Variants in DNMBP observed in about 807,000 individuals in gnomAD.
DNMBP encodes dynamin binding protein, also known as dynamin-binding protein.
A neutral mutation model predicts 150.0 loss-of-function variants in DNMBP; 87 were observed. The ratio of observed to expected loss-of-function variants is 0.58; its 90% CI spans 0.49 to 0.69. The LOEUF is 0.69. Among genes scored for constraint, DNMBP ranks in the 30% least tolerant of loss-of-function variants. DNMBP has a pLI of 0.00. For synonymous variants in DNMBP, 711 were observed against 750.4 expected (o/e 0.95, Z 0.86); for missense variants, 1,774 against 1,949.0 (o/e 0.91, Z 1.69).
chr10:99,928,955 G>A (rs573761247), intron 4 of DNMBP, among the ~76,000 whole-genome samples: 53 of 151,972 alleles, frequency 3.5e-4, no homozygotes, highest in Non-Finnish European at 7.5e-4. Context: ...ATCAGCCTGG[G>A]CAACATGGTG....
chr10:99,922,089 T>C (rs1024376275), intron 4 of DNMBP, among the ~76,000 whole-genome samples: 1 of 152,100 alleles, frequency 6.6e-6, no homozygotes, highest in African/African-American at 2.4e-5. Flanking sequence ...CTCCCAAATA[T>C]GACTACCAGC....
chr10:99,899,977 T>G lies in DNMBP; in HGVS notation c.2644A>C (p.Ile882Leu), dbSNP rs558875358. 13 of 1,614,160 alleles carry G rather than the reference T, an allele frequency of 8.1e-6. No individual in the cohort carries two copies. Among genetic ancestry groups the G allele is most frequent in the African/African-American group, 1.3e-5 (1 of 75,022 alleles). ...TGGATCTTCTCATCCTTCTCGTAGA[T>G]TTCAAGCAGCGCAATGGCCTCATCA... is the stretch of plus-strand genomic sequence containing the variant. ...NHDEAIALLE[I>L]YEKDEKIQKH... Residue 882 changes from isoleucine to leucine, a missense_variant, in exon 7 of 17, where the codon ATC becomes CTC. Physicochemically the swap from Ile to Leu is conservative, Grantham distance 5. Transcript: ENST00000324109.
chr10:99,989,463 C>T (rs569574593), intron 1 of DNMBP, among the ~76,000 whole-genome samples: 2 of 152,174 alleles, frequency 1.3e-5, no homozygotes, highest in Non-Finnish European at 2.9e-5. Flanking sequence ...GTAATCCCAG[C>T]ACTTTGGGAG....
At chr10:99,929,853 G>T in intron 4 of DNMBP, 1 of 702,884 alleles carries the variant, frequency 1.4e-6, no homozygotes, top group Non-Finnish European at 2.6e-6. Context: ...ATGTGCCTTT[G>T]TTCTTGGTAT....
intron 4 of DNMBP, among the ~76,000 whole-genome samples, chr10:99,911,448 A>G (rs1374788919): frequency 6.6e-6 from 1 of 152,124 alleles, no homozygotes; most frequent in East Asian, 1.9e-4. Flanking sequence ...GCACCACTGC[A>G]CTCCAGCCTG....
rs11817690 is a variant in DNMBP, at chr10:99,987,434, T to G, written c.-10-15300A>C. Among the ~76,000 whole-genome samples the G allele has an allele frequency of 6.6e-3, 1,006 of 151,534 alleles. 10 individuals carry two copies. Among genetic ancestry groups the G allele is most frequent in the African/African-American group, 0.023 (965 of 41,296 alleles). On this transcript the variant is annotated intron_variant, in intron 1 of 16. Transcript: ENST00000324109. ...AAGAGTAGCTGGGATAAGATAAGAG[T>G]AGCTGGGATAAGGGAGAGGCTGGGT... is the stretch of plus-strand genomic sequence containing the variant.
In DNMBP at chr10:99,879,703, C is replaced by G. The variant is rs1024312743; in HGVS notation, c.4548+108G>C. 2.6e-6 allele frequency: 4 copies of G among 1,517,556 alleles called. No individual in the cohort carries two copies. In the Admixed American group the frequency reaches 6.3e-5, roughly 24 times the overall value. The allele number at this position is 1,517,556 out of a possible 1,614,324, so 94.0% of individuals were successfully genotyped here. On this transcript the variant is annotated intron_variant, in intron 16 of 16. Coordinates refer to ENST00000324109, the MANE Select transcript of DNMBP (RefSeq NM_015221.4). ...GAAAGGTGTGTCTGTGAGCTCATCTCAGATCACCCCTAGGCCTCAGGCAAG... is the reference window on the plus strand; with the variant it reads ...GAAAGGTGTGTCTGTGAGCTCATCTGAGATCACCCCTAGGCCTCAGGCAAG...
chr10:99,988,216 A>G (rs1346220627), intron 1 of DNMBP, among the ~76,000 whole-genome samples: 1 of 152,214 alleles, frequency 6.6e-6, no homozygotes, highest in Non-Finnish European at 1.5e-5. Context: ...GATAAATTCT[A>G]CTTGCTTATG....
In DNMBP at chr10:99,955,555, C is replaced by T. The variant is rs771129840; in HGVS notation, c.1919G>A (p.Arg640Gln). The change falls in exon 4 of 17, where the codon CGA becomes CAA. Residue 640 changes from arginine (R) to glutamine (Q), a missense_variant. Physicochemically the swap from Arg to Gln is conservative, Grantham distance 43. Coordinates refer to ENST00000324109, the MANE Select transcript of DNMBP (RefSeq NM_015221.4). The part of the protein sequence containing the change: ...NLKPAPPLVV[R>Q]PSRPAPLPPS... ...AGGCAGGGGAGCTGGGCGAGAGGGTCGCACCACCAAGGGTGGTGCAGGTTT... is the reference window on the plus strand; with the variant it reads ...AGGCAGGGGAGCTGGGCGAGAGGGTTGCACCACCAAGGGTGGTGCAGGTTT... The T allele has an allele frequency of 4.4e-6, 7 of 1,600,944 alleles. No homozygotes were observed. The highest frequency in any genetic ancestry group is 2.2e-5 in the South Asian group (2 of 89,404).
Position 99,884,019 on chromosome 10 carries a change from T to G in DNMBP, c.3989A>C (p.Asp1330Ala). The G allele has an allele frequency of 6.2e-7, 1 of 1,614,004 alleles. No homozygotes were observed. Among genetic ancestry groups the G allele is most frequent in the Non-Finnish European group, 8.5e-7 (1 of 1,179,950 alleles). ...CTGCTTAAAATTCTTACCTCCATTG[T>G]CAATCAGCCAGCGGTTCTGGCTGCC... ...PMGSQNRWLI[D>A]NGVTKGFVYS... The change falls in exon 15 of 17, where the codon GAC becomes GCC. Residue 1330 changes from aspartate (D) to alanine (A), a missense_variant. Asp to Ala is a moderately radical substitution (Grantham distance 126). This residue lies in a region of DNMBP where 1,430 missense variants were observed against 1,492.5 expected (regional missense o/e 0.96). Coordinates refer to ENST00000324109, the MANE Select transcript of DNMBP (RefSeq NM_015221.4).
intron 4 of DNMBP, chr10:99,930,912 G>T: frequency 1.8e-6 from 1 of 542,662 alleles, no homozygotes; most frequent in Non-Finnish European, 3.2e-6. Context: ...TGCTCTAGTC[G>T]GAGCGCAGTG....
rs116997064 is a variant in DNMBP, at chr10:99,894,766, T to C, written c.3156+180A>G. Among the ~76,000 whole-genome samples the C allele has an allele frequency of 2.6e-5, 4 of 152,314 alleles. No individual in the cohort carries two copies. The East Asian group carries it at 5.8e-4, about 22-fold the overall frequency. The stretch of plus-strand genomic sequence containing the variant: ...CTGCTTTGAAATGAATGTGACAACA[T>C]TGATCTAAATGCTATTACTGTTAAA... On this transcript the variant is annotated intron_variant, in intron 11 of 16. Coordinates refer to ENST00000324109, the MANE Select transcript of DNMBP (RefSeq NM_015221.4).
At chr10:99,884,358 C>T in intron 14 of DNMBP, 149 bp from the exon 15 acceptor site, 1 of 706,142 alleles carries the variant, frequency 1.4e-6, no homozygotes, top group Non-Finnish European at 2.3e-6. Flanking sequence ...GTGATGAAGC[C>T]AGCCCATGTG....
chr10:99,893,672 A>G (rs550867520), intron 11 of DNMBP, among the ~76,000 whole-genome samples: 3 of 152,288 alleles, frequency 2.0e-5, no homozygotes, highest in African/African-American at 4.8e-5. Context: ...GGTTGCAGTG[A>G]GCTGAGATTC....
intron 4 of DNMBP, among the ~76,000 whole-genome samples, chr10:99,933,750 T>C (rs565138777): frequency 6.6e-6 from 1 of 152,328 alleles, no homozygotes; most frequent in African/African-American, 2.4e-5. Flanking sequence ...TTTTTGTTTT[T>C]TTTTGAGACG....
chr10:99,974,485 T>C (rs1160173414), intron 1 of DNMBP, among the ~76,000 whole-genome samples: 2 of 152,162 alleles, frequency 1.3e-5, no homozygotes, highest in African/African-American at 4.8e-5. Flanking sequence ...CACCAGAGTA[T>C]CCAGGCCTGA....
intron 6 of DNMBP, among the ~76,000 whole-genome samples, chr10:99,902,370 C>T (rs2133233772): frequency 8.0e-6 from 1 of 124,456 alleles, no homozygotes; most frequent in South Asian, 2.8e-4. Context: ...AGTGCAGTGG[C>T]ATGATCTCAA....
At position 99,969,103 on chromosome 10, in the gene DNMBP, T is replaced by C; in HGVS notation, c.268+12A>G. 2 of 1,613,622 alleles carry C rather than the reference T, an allele frequency of 1.2e-6. No individual in the cohort carries two copies. The highest frequency in any genetic ancestry group is 1.7e-6 in the Non-Finnish European group (2 of 1,179,772). On this transcript the variant is annotated intron_variant, in intron 3 of 16. Transcript: ENST00000324109. ...TAATTTCAAATAGTCTACTATTTGATGAGCAGCTTACCTCGATGGAGGGGA... is the reference window on the plus strand; with the variant it reads ...TAATTTCAAATAGTCTACTATTTGACGAGCAGCTTACCTCGATGGAGGGGA...
chr10:99,915,214 T>TAC (rs10654941), intron 4 of DNMBP, among the ~76,000 whole-genome samples: 48,388 of 142,192 alleles, frequency 0.34, 8,542 homozygotes, highest in South Asian at 0.44. Flanking sequence ...CATATATACA[T>TAC]ACACACACAC....
Sources: allele counts gnomAD v4.1 joint callset (sites outside exome capture counted in the v4.1 genomes callset), GRCh38; gene constraint gnomAD v4.1.1; regional missense constraint gnomAD v4.1.1; transcripts MANE v1.5; gene names NCBI Gene and HGNC (gene_info 2026-07-23, HGNC 2026-07-21).